SLC8A1: variants seen among roughly 807,000 people sequenced by gnomAD.
The protein encoded by SLC8A1 is sodium/calcium exchanger 1.
A neutral mutation model predicts 68.3 loss-of-function variants in SLC8A1; 18 were observed. That is an observed-to-expected ratio of 0.26 (90% CI 0.18 to 0.39). The LOEUF (loss-of-function observed/expected upper bound fraction) is 0.39. Ranked by LOEUF, SLC8A1 falls within the 10% of genes least tolerant of loss-of-function variation. The probability of loss-of-function intolerance (pLI) is 1.00; values close to 1 mark genes in which losing one functional copy is unlikely to be tolerated. For missense variants in SLC8A1, 985 were observed against 1,156.7 expected (o/e 0.85, Z 2.15); for synonymous variants, 475 against 415.5 (o/e 1.14, Z -1.74).
At chr2:40,473,328 TC>T (rs1278679832) in intron 1 of SLC8A1, among the ~76,000 whole-genome samples, 1 of 152,030 alleles carries the variant, frequency 6.6e-6, no homozygotes, top group African/African-American at 2.4e-5. Flanking sequence ...TTTCCTAAAA[TC>T]CCCACTCCTG....
intron 2 of SLC8A1, among the ~76,000 whole-genome samples, chr2:40,244,630 A>G (rs1358097096): frequency 7.1e-6 from 1 of 140,986 alleles, no homozygotes; most frequent in African/African-American, 2.6e-5. Flanking sequence ...GCACTCGTCA[A>G]TTTTAGCCTG....
exon 8 of SLC8A1, chr2:40,114,628 C>T (rs2035006742): frequency 6.5e-6 from 1 of 152,740 alleles, no homozygotes; most frequent in Non-Finnish European, 1.5e-5. Context: ...TTCCTGGCTC[C>T]ATTCCACTTT....
At chr2:40,490,033 T>C (rs367705622) in intron 1 of SLC8A1, among the ~76,000 whole-genome samples, 1 of 152,062 alleles carries the variant, frequency 6.6e-6, no homozygotes, top group African/African-American at 2.4e-5. Context: ...AAACTATCTT[T>C]TCCCTCTCCG....
chr2:40,178,640 A>G, intron 2 of SLC8A1, 147 bp from the exon 3 acceptor site: 1 of 660,660 alleles, frequency 1.5e-6, no homozygotes, highest in Non-Finnish European at 2.7e-6. Context: ...TTTCTTCAAG[A>G]ATGGGTATCA....
chr2:40,108,004 A>G (rs563210318), exon 8 of SLC8A1: 24 of 152,344 alleles, frequency 1.6e-4, no homozygotes, highest in Admixed American at 1.4e-3. Context: ...AACTACTGAT[A>G]GATCAGTCTG....
chr2:40,466,030 C>A (rs1372528608), intron 1 of SLC8A1, among the ~76,000 whole-genome samples: 1 of 152,144 alleles, frequency 6.6e-6, no homozygotes, highest in African/African-American at 2.4e-5. Context: ...AAGATGCCAG[C>A]ACCTTGATTG....
chr2:40,464,299 G>A (rs183859880), intron 1 of SLC8A1, among the ~76,000 whole-genome samples: 13 of 152,306 alleles, frequency 8.5e-5, no homozygotes, highest in Admixed American at 5.9e-4. Context: ...AACAAAAACA[G>A]CACTGGCTGA....
chr2:40,501,167 A>G (rs147952652), intron 1 of SLC8A1, among the ~76,000 whole-genome samples: 3 of 151,944 alleles, frequency 2.0e-5, no homozygotes, highest in African/African-American at 7.2e-5. Flanking sequence ...TTCTGCTCAA[A>G]TTTTATTTCC....
chr2:40,437,723 T>C (rs1005317197), intron 1 of SLC8A1, among the ~76,000 whole-genome samples: 2 of 151,858 alleles, frequency 1.3e-5, no homozygotes, highest in African/African-American at 4.9e-5. Flanking sequence ...TTGGGGGTCA[T>C]TTTTCTTAAC....
At chr2:40,214,950 A>C (rs751346504) in intron 2 of SLC8A1, among the ~76,000 whole-genome samples, 6 of 152,192 alleles carry the variant, frequency 3.9e-5, no homozygotes, top group African/African-American at 1.4e-4. Context: ...TACCGGATCA[A>C]TTCTCATGGA....
chr2:40,171,427 C>T (rs1386015097), intron 4 of SLC8A1, among the ~76,000 whole-genome samples: 1 of 152,192 alleles, frequency 6.6e-6, no homozygotes, highest in Admixed American at 6.5e-5. Context: ...TTACATTCTT[C>T]TCTCCATAGT....
At chr2:40,126,828 G>C (rs1228512649) in intron 7 of SLC8A1, among the ~76,000 whole-genome samples, 1 of 152,104 alleles carries the variant, frequency 6.6e-6, no homozygotes, top group African/African-American at 2.4e-5. Flanking sequence ...ATAAGTACCA[G>C]TCTTACTCCA....
chr2:40,175,118 G>A, intron 3 of SLC8A1, 143 bp downstream of exon 4: 1 of 847,858 alleles, frequency 1.2e-6, no homozygotes, highest in Non-Finnish European at 1.9e-6. Context: ...ATTTGACCTT[G>A]ACAAAATGAG....
At chr2:40,241,048 T>C (rs944924227) in intron 2 of SLC8A1, among the ~76,000 whole-genome samples, 1 of 152,192 alleles carries the variant, frequency 6.6e-6, no homozygotes, top group African/African-American at 2.4e-5. Context: ...CACATGGACT[T>C]GCACGTTCAT....
At chr2:40,434,288 A>T (rs1698973180) in intron 1 of SLC8A1, among the ~76,000 whole-genome samples, 2 of 152,234 alleles carry the variant, frequency 1.3e-5, no homozygotes, top group Non-Finnish European at 2.9e-5. Flanking sequence ...GACACAGCAC[A>T]CTGATGTAGC....
chr2:40,288,087 T>C lies in SLC8A1; in HGVS notation c.1809-110232A>G, dbSNP rs76408607. On this transcript the variant is annotated intron_variant, in intron 2 of 7. Coordinates refer to ENST00000406785, the Ensembl canonical transcript of SLC8A1. ...GCTTCCCTGCAGACTCTGCAAACCT[T>C]GCATACTGCTTCAGGCAAGAGGGTC... Among the ~76,000 whole-genome samples, 1,224 of 152,282 alleles carry C rather than the reference T, an allele frequency of 8.0e-3. 11 individuals carry two copies. Among genetic ancestry groups the C allele is most frequent in the African/African-American group, 0.028 (1,174 of 41,554 alleles).
intron 2 of SLC8A1, chr2:40,254,903 T>C (rs894587723): frequency 5.3e-5 from 8 of 152,234 alleles, no homozygotes; most frequent in African/African-American, 1.2e-4. Flanking sequence ...ACTGGGCTGA[T>C]GTGCAAGGCA....
chr2:40,474,419 A>G (rs979179508), intron 1 of SLC8A1, among the ~76,000 whole-genome samples: 17 of 152,198 alleles, frequency 1.1e-4, no homozygotes, highest in African/African-American at 3.9e-4. Flanking sequence ...GAAACCTTAA[A>G]TGGCCAGATT....
In SLC8A1 at chr2:40,451,892, A is replaced by G. The variant is rs897253777; in HGVS notation, c.-25+12T>C. 1.3e-5 allele frequency: 2 copies of G among 152,422 alleles called. No individual in the cohort carries two copies. The highest frequency in any genetic ancestry group is 2.9e-5 in the Non-Finnish European group (2 of 68,140). 9.4% of individuals were successfully genotyped at this position (152,422 alleles called of 1,614,324 possible). ...ACTAAATGCCTTCTGCCTGTCCATCATAAGATCCTACCTGGTTTGGGGAGT... is the reference window on the plus strand; with the variant it reads ...ACTAAATGCCTTCTGCCTGTCCATCGTAAGATCCTACCTGGTTTGGGGAGT... On this transcript the variant is annotated intron_variant, in intron 1 of 7. Coordinates refer to ENST00000406785, the Ensembl canonical transcript of SLC8A1.
Sources: allele counts gnomAD v4.1 joint callset (sites outside exome capture counted in the v4.1 genomes callset), GRCh38; gene constraint gnomAD v4.1.1; transcripts MANE v1.5; gene names NCBI Gene and HGNC (gene_info 2026-07-23, HGNC 2026-07-21).